Variants in GALNT13 observed in about 807,000 individuals in gnomAD.
The protein encoded by GALNT13 is UDP-GalNAc:polypeptide N-acetylgalactosaminyltransferase 13.
In GALNT13, 28 loss-of-function variants were observed where a neutral mutation model predicts 64.2. The ratio of observed to expected loss-of-function variants is 0.44; its 90% confidence interval spans 0.32 to 0.60. The LOEUF (loss-of-function observed/expected upper bound fraction) is 0.60, where lower values mean the gene tolerates loss of function less well. Ranked by LOEUF, GALNT13 falls within the 20% of genes least tolerant of loss-of-function variation. GALNT13 has a pLI of 0.05. For synonymous variants in GALNT13, 214 were observed against 224.6 expected (o/e 0.95, Z 0.42); for missense variants, 577 against 669.8 (o/e 0.86, Z 1.53).
At chr2:154,095,092 C>T (rs1702009049) in intron 3 of GALNT13, among the ~76,000 whole-genome samples, 1 of 151,702 alleles carries the variant, frequency 6.6e-6, no homozygotes, top group African/African-American at 2.4e-5. Flanking sequence ...ACATAATTGA[C>T]TAATGTTAGA....
chr2:154,058,679 G>A (rs1482550695), intron 3 of GALNT13, among the ~76,000 whole-genome samples: 1 of 152,208 alleles, frequency 6.6e-6, no homozygotes, highest in African/African-American at 2.4e-5. Context: ...CATCATGTCT[G>A]CTGTGTTTGA....
chr2:153,325,180 G>A, the GALNT13 span, among the ~76,000 whole-genome samples: 2 of 89,428 alleles, frequency 2.2e-5, no homozygotes, highest in Non-Finnish European at 4.1e-5. Context: ...TTCAGAACTT[G>A]TTATTGCTCT....
At chr2:153,941,692 A>G (rs1691351920) in intron 2 of GALNT13, among the ~76,000 whole-genome samples, 1 of 152,176 alleles carries the variant, frequency 6.6e-6, no homozygotes, top group African/African-American at 2.4e-5. Context: ...ATATTGAAAT[A>G]CAATATATAA....
At chr2:154,085,366 T>A (rs1433848746) in intron 3 of GALNT13, among the ~76,000 whole-genome samples, 2 of 151,998 alleles carry the variant, frequency 1.3e-5, no homozygotes, top group African/African-American at 2.4e-5. Flanking sequence ...TCTTTGTTCA[T>A]GGAAACCATT....
chr2:153,665,123 C>A, the GALNT13 span, among the ~76,000 whole-genome samples: 1 of 152,144 alleles, frequency 6.6e-6, no homozygotes, highest in African/African-American at 2.4e-5. Flanking sequence ...TGTGATTGAT[C>A]CTCACTTTCA....
At chr2:153,163,976 C>A in the GALNT13 span, among the ~76,000 whole-genome samples, 94 of 150,622 alleles carry the variant, frequency 6.2e-4, no homozygotes, top group South Asian at 1.7e-3. Flanking sequence ...CGAGATCGCG[C>A]CACTGCACTC....
At chr2:153,986,627 T>C (rs1694818755) in intron 3 of GALNT13, among the ~76,000 whole-genome samples, 1 of 151,910 alleles carries the variant, frequency 6.6e-6, no homozygotes, top group Non-Finnish European at 1.5e-5. Context: ...CCGATCACCG[T>C]GACAAGATTT....
At chr2:153,123,408 T>G in the GALNT13 span, among the ~76,000 whole-genome samples, 2 of 152,164 alleles carry the variant, frequency 1.3e-5, no homozygotes, top group South Asian at 4.1e-4. Flanking sequence ...AATCCAGAGT[T>G]GATGGTTTAC....
At chr2:153,669,512 A>G in the GALNT13 span, among the ~76,000 whole-genome samples, 19 of 152,238 alleles carry the variant, frequency 1.2e-4, no homozygotes, top group Non-Finnish European at 2.6e-4. Flanking sequence ...AATAGAAGTT[A>G]AGATAAATAA....
intron 4 of GALNT13, among the ~76,000 whole-genome samples, chr2:154,204,059 C>T (rs565787796): frequency 6.6e-6 from 1 of 152,140 alleles, no homozygotes; most frequent in African/African-American, 2.4e-5. Context: ...CATTTTGATC[C>T]AAACACACAG....
chr2:153,280,708 C>A, the GALNT13 span, among the ~76,000 whole-genome samples: 1 of 152,006 alleles, frequency 6.6e-6, no homozygotes, highest in Non-Finnish European at 1.5e-5. Context: ...CTATTTTTAT[C>A]TCACTGTGGA....
intron 9 of GALNT13, among the ~76,000 whole-genome samples, chr2:154,344,223 A>C (rs532482103): frequency 6.6e-6 from 1 of 152,138 alleles, no homozygotes; most frequent in African/African-American, 2.4e-5. Flanking sequence ...GCATTTACTA[A>C]ATTTAAAGAA....
chr2:153,204,457 C>T, the GALNT13 span, among the ~76,000 whole-genome samples: 1 of 152,108 alleles, frequency 6.6e-6, no homozygotes, highest in African/African-American at 2.4e-5. Flanking sequence ...ATCCAAACAG[C>T]TTTTTTAGTT....
At chr2:154,034,796 T>C (rs1227413460) in intron 3 of GALNT13, among the ~76,000 whole-genome samples, 1 of 136,298 alleles carries the variant, frequency 7.3e-6, no homozygotes, top group East Asian at 2.0e-4. Flanking sequence ...GGCTGAATAG[T>C]AGTCCATTGA....
chr2:153,365,332 C>T, the GALNT13 span, among the ~76,000 whole-genome samples: 1 of 152,148 alleles, frequency 6.6e-6, no homozygotes, highest in Non-Finnish European at 1.5e-5. Flanking sequence ...TAGGCATGGG[C>T]AAAGACTTCA....
chr2:154,346,304 T>C (rs897748276), intron 9 of GALNT13, among the ~76,000 whole-genome samples: 2 of 152,086 alleles, frequency 1.3e-5, no homozygotes, highest in East Asian at 1.9e-4. Flanking sequence ...TCAACAAATA[T>C]AATTACTGTC....
At chr2:153,922,531 A>T (rs1347080366) in intron 2 of GALNT13, among the ~76,000 whole-genome samples, 1 of 152,204 alleles carries the variant, frequency 6.6e-6, no homozygotes, top group Non-Finnish European at 1.5e-5. Flanking sequence ...TCTCAAAAAT[A>T]AACTATAATT....
chr2:153,962,626 T>C (rs1400286996), intron 3 of GALNT13, among the ~76,000 whole-genome samples: 1 of 152,220 alleles, frequency 6.6e-6, no homozygotes, highest in African/African-American at 2.4e-5. Context: ...CATGTAAGTA[T>C]AGCTTTGGGA....
At chr2:154,422,246 C>T (rs572124817) in intron 11 of GALNT13, among the ~76,000 whole-genome samples, 61 of 152,260 alleles carry the variant, frequency 4.0e-4, no homozygotes, top group African/African-American at 1.4e-3. Flanking sequence ...AATACTTGGA[C>T]TGCACTTTTG....
Sources: gnomAD v4.1 joint callset for allele counts (sites outside exome capture counted in the v4.1 genomes callset) on GRCh38, gnomAD v4.1.1 for gene constraint, MANE v1.5 for transcripts, NCBI Gene and HGNC (gene_info 2026-07-23, HGNC 2026-07-21) for gene names.